Variants in SLC15A1 observed in about 807,000 individuals in gnomAD.
SLC15A1 encodes Caco-2 oligopeptide transporter.
Under a neutral mutation model 92.9 loss-of-function variants are expected in SLC15A1, and 83 were observed. The observed-to-expected ratio is 0.89, with a 90% confidence interval of 0.75 to 1.07. The LOEUF is 1.07. SLC15A1 is among the 50% of genes least tolerant of loss of function. The probability of loss-of-function intolerance (pLI) is 0.00; values close to 1 mark genes in which losing one functional copy is unlikely to be tolerated. For synonymous variants in SLC15A1, 322 were observed against 318.2 expected (o/e 1.01, Z -0.13); for missense variants, 857 against 880.1 (o/e 0.97, Z 0.33).
intron 1 of SLC15A1, among the ~76,000 whole-genome samples, chr13:98,746,039 C>T (rs1435078309): frequency 2.0e-5 from 3 of 152,144 alleles, no homozygotes; most frequent in East Asian, 1.9e-4. Flanking sequence ...ACCCTCTACC[C>T]TCAAGTAGGC....
intron 18 of SLC15A1, among the ~76,000 whole-genome samples, chr13:98,693,518 C>A (rs2087998936): frequency 6.6e-6 from 1 of 152,142 alleles, no homozygotes; most frequent in Admixed American, 6.5e-5. Context: ...TGGATATCTT[C>A]TTTGAAGAAA....
intron 1 of SLC15A1, among the ~76,000 whole-genome samples, chr13:98,735,909 A>G (rs542431780): frequency 6.6e-6 from 1 of 152,350 alleles, no homozygotes; most frequent in Non-Finnish European, 1.5e-5. Context: ...GAAAATGGAC[A>G]TACTGCCCAA....
intron 11 of SLC15A1, among the ~76,000 whole-genome samples, chr13:98,710,960 A>G (rs764101405): frequency 6.6e-6 from 1 of 152,048 alleles, no homozygotes; most frequent in Non-Finnish European, 1.5e-5. Context: ...AAGGGTTATT[A>G]CAGTGACTCA....
intron 8 of SLC15A1, 30 bp from the exon 9 acceptor site, chr13:98,715,990 A>C (rs748922188): frequency 1.3e-6 from 2 of 1,593,788 alleles, no homozygotes; most frequent in Admixed American, 3.3e-5. Context: ...ACATGTCAGC[A>C]AAGCATGTGA....
Position 98,721,604 on chromosome 13 carries a change from A to C in SLC15A1, c.466-19T>G, listed in dbSNP as rs779435301. On this transcript the variant is annotated intron_variant, in intron 6 of 22. Transcript: ENST00000376503. ...GTTTCTCCTGCAATGAAAAGGAGAA[A>C]GTAAGATGACTTTGGCTATCAATCC... 1 of 1,554,618 alleles carries C rather than the reference A, an allele frequency of 6.4e-7. No homozygotes were observed. The highest frequency in any genetic ancestry group is 1.2e-5 in the South Asian group (1 of 86,954).
chr13:98,743,744 G>A (rs924781445), intron 1 of SLC15A1, among the ~76,000 whole-genome samples: 2 of 152,178 alleles, frequency 1.3e-5, no homozygotes, highest in African/African-American at 4.8e-5. Flanking sequence ...GATATTTTTA[G>A]TCTAGAAGAA....
At chr13:98,695,349 G>C (rs1267362809) in intron 18 of SLC15A1, among the ~76,000 whole-genome samples, 1 of 152,062 alleles carries the variant, frequency 6.6e-6, no homozygotes, top group Non-Finnish European at 1.5e-5. Flanking sequence ...AGCCTTCCGA[G>C]TAGCTAGGAC....
At chr13:98,744,532 T>A (rs1330512421) in intron 1 of SLC15A1, among the ~76,000 whole-genome samples, 3 of 151,626 alleles carry the variant, frequency 2.0e-5, no homozygotes. Context: ...GGGCAGATCA[T>A]GAGGTTAGGA....
chr13:98,712,976 T>A (rs2088177608), intron 9 of SLC15A1, among the ~76,000 whole-genome samples: 1 of 152,240 alleles, frequency 6.6e-6, no homozygotes, highest in Admixed American at 6.5e-5. Flanking sequence ...ATTTAAAAAT[T>A]AATAAGAATT....
At chr13:98,725,827 C>A (rs375566063) in intron 4 of SLC15A1, among the ~76,000 whole-genome samples, 38 of 152,200 alleles carry the variant, frequency 2.5e-4, no homozygotes, top group African/African-American at 9.2e-4. Context: ...GGGGCTCAAG[C>A]GGATCCTCCC....
intron 2 of SLC15A1, 62 bp downstream of exon 2, chr13:98,726,781 G>T: frequency 1.3e-6 from 2 of 1,504,288 alleles, no homozygotes; most frequent in Non-Finnish European, 1.9e-6. Flanking sequence ...AACCCTTAGG[G>T]GTAAAACAGA....
rs568463890 is a variant in SLC15A1, at chr13:98,706,675, T to C, written c.1150-422A>G. Among the ~76,000 whole-genome samples, 5 of 152,314 alleles carry C rather than the reference T, an allele frequency of 3.3e-5. No homozygotes were observed. In the South Asian group the frequency reaches 6.2e-4, roughly 19 times the overall value. On this transcript the variant is annotated intron_variant, in intron 15 of 22. Coordinates refer to ENST00000376503, the MANE Select transcript of SLC15A1 (RefSeq NM_005073.4). ...TCTTTTTGCCTGCAGCCATGCAAGA[T>C]GTGCCTTTCACCTTCTGCCATGACT...
chr13:98,742,097 G>A (rs2088452723), intron 1 of SLC15A1, among the ~76,000 whole-genome samples: 1 of 152,194 alleles, frequency 6.6e-6, no homozygotes, highest in Admixed American at 6.5e-5. Flanking sequence ...GCAGACGCCT[G>A]GTGGTCCTCC....
intron 18 of SLC15A1, among the ~76,000 whole-genome samples, chr13:98,694,068 A>G (rs2088003337): frequency 6.6e-6 from 1 of 152,176 alleles, no homozygotes; most frequent in African/African-American, 2.4e-5. Flanking sequence ...GAGAGGATCA[A>G]CTTCAGTCTT....
At chr13:98,715,315 C>T (rs1337561017) in intron 9 of SLC15A1, among the ~76,000 whole-genome samples, 1 of 152,176 alleles carries the variant, frequency 6.6e-6, no homozygotes, top group Non-Finnish European at 1.5e-5. Context: ...GCTGGGATTA[C>T]AGGCACCCGC....
Position 98,684,638 on chromosome 13 carries a change from G to A in SLC15A1, c.*86C>T, listed in dbSNP as rs1256768896. The A allele has an allele frequency of 2.1e-6, 2 of 955,870 alleles. No individual in the cohort carries two copies. The highest frequency in any genetic ancestry group is 1.6e-5 in the African/African-American group (1 of 61,298). The allele number at this position is 955,870 out of a possible 1,614,324, so 59.2% of individuals were successfully genotyped here. ...CAATTCTGAAGTCTTCCTCATCAGG[G>A]GCCATCCAATGGAGTGTCCTGCTAC... On this transcript the variant is annotated 3_prime_UTR_variant, in exon 23 of 23. Coordinates refer to ENST00000376503, the MANE Select transcript of SLC15A1 (RefSeq NM_005073.4).
intron 5 of SLC15A1, among the ~76,000 whole-genome samples, chr13:98,723,220 A>G (rs1003792498): frequency 2.0e-5 from 3 of 152,160 alleles, no homozygotes; most frequent in East Asian, 1.9e-4. Context: ...AGAGTGTTGC[A>G]TCAAGAGATC....
At position 98,709,587 on chromosome 13, in the gene SLC15A1, C is replaced by T; in HGVS notation, c.1052G>A (p.Cys351Tyr). The T allele has an allele frequency of 3.7e-6, 6 of 1,614,170 alleles. No homozygotes were observed. Among genetic ancestry groups the T allele is most frequent in the Non-Finnish European group, 5.1e-6 (6 of 1,180,024 alleles). ...DAVLYPLIAK[C>Y]GFNFTSLKKM... ...CGTCACCTACGTGAAATTGAAGCCACATTTTGCAATGAGAGGGTACAGCAC... is the reference window on the plus strand; with the variant it reads ...CGTCACCTACGTGAAATTGAAGCCATATTTTGCAATGAGAGGGTACAGCAC... Residue 351 changes from cysteine (C) to tyrosine (Y), a missense_variant, in exon 14 of 23, where the codon TGT (cysteine) becomes TAT (tyrosine). Physicochemically the swap from Cys to Tyr is radical, Grantham distance 194. Coordinates refer to ENST00000376503, the MANE Select transcript of SLC15A1 (RefSeq NM_005073.4).
At chr13:98,697,743 T>C (rs1459801470) in intron 18 of SLC15A1, among the ~76,000 whole-genome samples, 3 of 151,868 alleles carry the variant, frequency 2.0e-5, no homozygotes, top group East Asian at 3.9e-4. Context: ...CAACTTGGAA[T>C]TGACCTCGTT....
Sources: allele counts gnomAD v4.1 joint callset (sites outside exome capture counted in the v4.1 genomes callset), GRCh38; gene constraint gnomAD v4.1.1; transcripts MANE v1.5; gene names NCBI Gene and HGNC (gene_info 2026-07-23, HGNC 2026-07-21).